The following CNTN6 variants were observed in gnomAD, a reference collection of about 807,000 sequenced individuals.
CNTN6 encodes the protein contactin-6.
Under a neutral mutation model 122.8 loss-of-function variants are expected in CNTN6, and 137 were observed. The ratio of observed to expected loss-of-function variants is 1.12; its 90% CI spans 0.97 to 1.29. CNTN6 has a LOEUF of 1.29. CNTN6 is among the 50% of genes most tolerant of loss of function. The pLI is 0.00. For synonymous variants in CNTN6, 570 were observed against 426.0 expected (o/e 1.34, Z -4.16); for missense variants, 1,634 against 1,223.4 (o/e 1.34, Z -5.01).
chr3:1,385,790 A>C lies in CNTN6; in HGVS notation c.2697A>C (p.Lys899Asn). Residue 899 changes from lysine to asparagine, a missense_variant, in exon 20 of 23, where the codon AAA becomes AAC. By Grantham distance (94) the Lys-to-Asn change is moderately conservative. Transcript: ENST00000446702. The stretch of plus-strand genomic sequence containing the variant: ...GCCCCCCAGTCAATGTTACCACCAA[A>C]AAGTCTCGTAAGTATGCATACACTC... ...PSSPPVNVTT[K>N]KSPPSQPPAN... The C allele has an allele frequency of 6.2e-7, 1 of 1,609,228 alleles. No individual in the cohort carries two copies. Among genetic ancestry groups the C allele is most frequent in the Non-Finnish European group, 8.5e-7 (1 of 1,178,136 alleles).
chr3:1,384,783 A>G (rs1254270955), intron 19 of CNTN6, among the ~76,000 whole-genome samples: 1 of 142,484 alleles, frequency 7.0e-6, no homozygotes, highest in Non-Finnish European at 1.5e-5. Flanking sequence ...ATATATATAT[A>G]TATATATATA....
intron 7 of CNTN6, among the ~76,000 whole-genome samples, chr3:1,319,405 C>A (rs1421847743): frequency 6.6e-6 from 1 of 151,566 alleles, no homozygotes; most frequent in Non-Finnish European, 1.5e-5. Context: ...GTACTTGGTA[C>A]TCTGTATTGT....
chr3:1,229,920 G>A (rs1304633307), intron 4 of CNTN6, among the ~76,000 whole-genome samples: 5 of 152,176 alleles, frequency 3.3e-5, no homozygotes, highest in Admixed American at 1.3e-4. Flanking sequence ...CAAAGTTAAA[G>A]GATCTTAGGC....
intron 2 of CNTN6, among the ~76,000 whole-genome samples, chr3:1,170,913 G>A (rs2093347452): frequency 6.6e-6 from 1 of 152,172 alleles, no homozygotes; most frequent in South Asian, 2.1e-4. Context: ...TCCATAGAGT[G>A]GGTTTTATAT....
intron 2 of CNTN6, among the ~76,000 whole-genome samples, chr3:1,175,889 G>A (rs1038850462): frequency 5.9e-5 from 9 of 152,190 alleles, no homozygotes; most frequent in African/African-American, 2.2e-4. Context: ...TAGATACAAT[G>A]GAGAAGAAGG....
At chr3:1,313,690 G>A (rs953559654) in intron 7 of CNTN6, among the ~76,000 whole-genome samples, 1 of 152,026 alleles carries the variant, frequency 6.6e-6, no homozygotes, top group Non-Finnish European at 1.5e-5. Flanking sequence ...AGCTGATATA[G>A]GCATCATCTT....
intron 20 of CNTN6, among the ~76,000 whole-genome samples, chr3:1,386,457 T>C (rs939863292): frequency 2.0e-5 from 3 of 152,174 alleles, no homozygotes; most frequent in Admixed American, 2.0e-4. Context: ...CAGAATCTGC[T>C]ACATAAAAGA....
intron 10 of CNTN6, among the ~76,000 whole-genome samples, chr3:1,328,072 T>C (rs775066704): frequency 6.6e-6 from 1 of 151,626 alleles, no homozygotes; most frequent in Non-Finnish European, 1.5e-5. Flanking sequence ...GCTCTAGTTA[T>C]AGAAATCAAG....
At chr3:1,244,301 G>A (rs1249527933) in intron 4 of CNTN6, among the ~76,000 whole-genome samples, 2 of 152,170 alleles carry the variant, frequency 1.3e-5, no homozygotes, top group Admixed American at 6.5e-5. Flanking sequence ...GAGACACGGA[G>A]GGAAGGGGTT....
chr3:1,173,785 A>G (rs2093402038), intron 2 of CNTN6, among the ~76,000 whole-genome samples: 1 of 151,874 alleles, frequency 6.6e-6, no homozygotes, highest in Non-Finnish European at 1.5e-5. Context: ...GGGAAAAAAA[A>G]AAAAAACTAA....
At chr3:1,257,669 A>C (rs543968966) in intron 4 of CNTN6, among the ~76,000 whole-genome samples, 1 of 152,244 alleles carries the variant, frequency 6.6e-6, no homozygotes, top group East Asian at 1.9e-4. Context: ...AGTAGTTAAG[A>C]GTAAAGTTCC....
chr3:1,298,052 C>T (rs908958806), intron 7 of CNTN6, 61 bp downstream of exon 7: 2 of 1,233,874 alleles, frequency 1.6e-6, no homozygotes, highest in Non-Finnish European at 2.3e-6. Context: ...TATTAAAAAC[C>T]TTTTTGTTAT....
chr3:1,102,923 C>T lies in CNTN6; in HGVS notation c.-83+9803C>T, dbSNP rs373632194. Among the ~76,000 whole-genome samples, 39 of 150,674 alleles carry T rather than the reference C, an allele frequency of 2.6e-4. No homozygotes were observed. The South Asian group carries it at 5.9e-3, about 23-fold the overall frequency. On this transcript the variant is annotated intron_variant, in intron 1 of 22. Coordinates refer to ENST00000446702, the MANE Select transcript of CNTN6 (RefSeq NM_001289080.2). The stretch of plus-strand genomic sequence containing the variant: ...GAGATCGAGACCATCCTGGCTAACA[C>T]GGTGAAACCCCGTCTCTACCAAAAA...
chr3:1,329,674 A>G (rs1702018281), intron 10 of CNTN6, 111 bp from the exon 11 acceptor site: 2 of 846,966 alleles, frequency 2.4e-6, no homozygotes, highest in South Asian at 2.7e-5. Flanking sequence ...GTAACCTGAA[A>G]AGAGGATACA....
intron 20 of CNTN6, among the ~76,000 whole-genome samples, chr3:1,388,321 G>C (rs908065711): frequency 1.4e-5 from 2 of 146,322 alleles, no homozygotes; most frequent in East Asian, 2.0e-4. Context: ...TCACACGGCA[G>C]GGTATGCCAA....
intron 10 of CNTN6, among the ~76,000 whole-genome samples, chr3:1,328,104 C>T (rs1312844904): frequency 6.7e-6 from 1 of 148,312 alleles, no homozygotes; most frequent in South Asian, 2.1e-4. Context: ...GGCAGAAGAG[C>T]GAGGTTACAG....
At position 1,262,806 on chromosome 3, in the gene CNTN6, TAATA is replaced by T. The variant is rs1353530761; in HGVS notation, c.359-15602_359-15599del. Among the ~76,000 whole-genome samples the T allele has an allele frequency of 3.3e-5, 5 of 152,052 alleles. No homozygotes were observed. The East Asian group carries it at 5.8e-4, about 18-fold the overall frequency. On this transcript the variant is annotated intron_variant, in intron 4 of 22. Coordinates refer to ENST00000446702, the MANE Select transcript of CNTN6 (RefSeq NM_001289080.2). ...TTCATGTGTAAAATATATGTAATAA[TAATA>T]AATATTTACTGTACAATATGCTTGT...
chr3:1,189,496 TC>T (rs777244631), intron 2 of CNTN6, among the ~76,000 whole-genome samples: 7 of 152,206 alleles, frequency 4.6e-5, no homozygotes, highest in Non-Finnish European at 1.0e-4. Context: ...TCCAATTCCT[TC>T]CTGAATCCTT....
rs762026832 is a variant in CNTN6 at position 1,278,460 on chromosome 3, G to C, written c.406G>C (p.Glu136Gln). ...AACAAGAAGCACAGTATCTGTCCGA[G>C]AAGGTCAAGGTGTGGTGCTTCTCTG... ...TKTRSTVSVR[E>Q]GQGVVLLCGP... The change falls in exon 5 of 23, where the codon GAA (glutamate) becomes CAA (glutamine). Residue 136 changes from glutamate (E) to glutamine (Q), a missense_variant. Coordinates refer to ENST00000446702, the MANE Select transcript of CNTN6 (RefSeq NM_001289080.2). 6 of 1,612,904 alleles carry C rather than the reference G, an allele frequency of 3.7e-6. No individual in the cohort carries two copies. Among genetic ancestry groups the C allele is most frequent in the Non-Finnish European group, 5.1e-6 (6 of 1,179,166 alleles).
Sources: allele counts gnomAD v4.1 joint callset (sites outside exome capture counted in the v4.1 genomes callset), GRCh38; gene constraint gnomAD v4.1.1; transcripts MANE v1.5; gene names NCBI Gene and HGNC (gene_info 2026-07-23, HGNC 2026-07-21).